WWTR1: variants seen among roughly 807,000 people sequenced by gnomAD.
WWTR1 encodes the protein WW domain-containing transcription regulator protein 1.
WWTR1 carries 13 observed loss-of-function variants against 40.1 expected under a neutral mutation model. That is an observed-to-expected ratio of 0.32 (90% CI 0.21 to 0.52). WWTR1 has a LOEUF of 0.52. WWTR1 is among the 20% of genes least tolerant of loss of function. The pLI is 0.97. For synonymous variants in WWTR1, 230 were observed against 210.1 expected, an observed-to-expected ratio of 1.09 and a Z score of -0.82; for missense variants, 436 against 523.1, an observed-to-expected ratio of 0.83 and a Z score of 1.63.
At chr3:149,570,702 A>G (rs987592586) in intron 3 of WWTR1, among the ~76,000 whole-genome samples, 2 of 152,168 alleles carry the variant, frequency 1.3e-5, no homozygotes, top group Non-Finnish European at 2.9e-5. Context: ...TTCTTTAGAT[A>G]TACTTTACTA....
At chr3:149,533,848 G>A (rs534176108) in intron 4 of WWTR1, among the ~76,000 whole-genome samples, 55 of 152,026 alleles carry the variant, frequency 3.6e-4, no homozygotes, top group South Asian at 1.7e-3. Flanking sequence ...GCACATTGAC[G>A]CAGTTAACAG....
intron 4 of WWTR1, among the ~76,000 whole-genome samples, chr3:149,723,729 A>G (rs1012317085): frequency 2.0e-5 from 3 of 152,200 alleles, no homozygotes; most frequent in African/African-American, 7.2e-5. Flanking sequence ...TTTGCCCTTT[A>G]TATTCCCTGA....
chr3:149,563,552 A>G (rs1737179842), intron 3 of WWTR1, among the ~76,000 whole-genome samples: 1 of 152,208 alleles, frequency 6.6e-6, no homozygotes, highest in African/African-American at 2.4e-5. Context: ...GCGCACTAAC[A>G]CCAAGCACCA....
chr3:149,626,042 A>C (rs572732208), intron 2 of WWTR1, among the ~76,000 whole-genome samples: 3 of 152,310 alleles, frequency 2.0e-5, no homozygotes, highest in South Asian at 4.1e-4. Context: ...AGTGTGCTAC[A>C]ACCACATAGC....
At chr3:149,541,293 G>A (rs1390583451) in intron 4 of WWTR1, among the ~76,000 whole-genome samples, 1 of 152,214 alleles carries the variant, frequency 6.6e-6, no homozygotes, top group Non-Finnish European at 1.5e-5. Flanking sequence ...CTGAAACAGG[G>A]AGAGCACTGT....
At chr3:149,709,095 C>A (rs1221447914) in intron 5 of WWTR1, among the ~76,000 whole-genome samples, 3 of 152,174 alleles carry the variant, frequency 2.0e-5, no homozygotes, top group Non-Finnish European at 4.4e-5. Flanking sequence ...CCCACCCCAG[C>A]CTCCTGAGTA....
chr3:149,622,494 G>GAA (rs1560089693), intron 2 of WWTR1, among the ~76,000 whole-genome samples: 5 of 44,830 alleles, frequency 1.1e-4, no homozygotes, highest in African/African-American at 3.5e-4. Context: ...AGGAAGGAAG[G>GAA]AAGGAAGGAA....
At chr3:149,568,203 T>C (rs1737425060) in intron 3 of WWTR1, among the ~76,000 whole-genome samples, 1 of 152,050 alleles carries the variant, frequency 6.6e-6, no homozygotes, top group South Asian at 2.1e-4. Flanking sequence ...CTGGCCAACA[T>C]GGTGAAACCC....
intron 3 of WWTR1, among the ~76,000 whole-genome samples, chr3:149,567,032 G>T (rs1382230698): frequency 6.6e-6 from 1 of 151,916 alleles, no homozygotes; most frequent in African/African-American, 2.4e-5. Context: ...GCTAGGGTTC[G>T]CAGGCTGGTG....
At chr3:149,681,102 A>G (rs1415440548) in intron 1 of WWTR1, among the ~76,000 whole-genome samples, 1 of 152,226 alleles carries the variant, frequency 6.6e-6, no homozygotes, top group African/African-American at 2.4e-5. Flanking sequence ...ATCTAAATAA[A>G]CTGCCATCCA....
intron 2 of WWTR1, among the ~76,000 whole-genome samples, chr3:149,625,257 G>C (rs542486443): frequency 1.3e-5 from 2 of 151,594 alleles, no homozygotes; most frequent in South Asian, 4.2e-4. Context: ...AAGTAGCTGG[G>C]ACTATAGGCG....
intron 5 of WWTR1, among the ~76,000 whole-genome samples, chr3:149,711,161 TAAA>T (rs1237527926): frequency 1.7e-5 from 2 of 114,968 alleles, no homozygotes; most frequent in Non-Finnish European, 3.7e-5. Flanking sequence ...ACACACTTGC[TAAA>T]AAAAAAAAAA....
At chr3:149,713,447 C>T (rs1329129478) in intron 5 of WWTR1, among the ~76,000 whole-genome samples, 1 of 152,060 alleles carries the variant, frequency 6.6e-6, no homozygotes, top group Non-Finnish European at 1.5e-5. Context: ...GTGGCACAAT[C>T]TCAGCTCACT....
At chr3:149,602,553 T>C (rs571444118) in intron 2 of WWTR1, among the ~76,000 whole-genome samples, 1 of 152,328 alleles carries the variant, frequency 6.6e-6, no homozygotes, top group South Asian at 2.1e-4. Flanking sequence ...GAAACTCTAG[T>C]GTTGATCATT....
chr3:149,609,446 A>G (rs1413049962), intron 2 of WWTR1, among the ~76,000 whole-genome samples: 1 of 152,216 alleles, frequency 6.6e-6, no homozygotes, highest in Non-Finnish European at 1.5e-5. Context: ...AGGGAATCTA[A>G]GAATGGTTTT....
intron 2 of WWTR1, among the ~76,000 whole-genome samples, chr3:149,637,580 T>C (rs977363046): frequency 2.0e-5 from 3 of 152,122 alleles, no homozygotes; most frequent in Non-Finnish European, 4.4e-5. Context: ...AGTACCAATA[T>C]GTGCTAGGCA....
intron 1 of WWTR1, among the ~76,000 whole-genome samples, chr3:149,701,085 A>G (rs1715154387): frequency 6.6e-6 from 1 of 152,170 alleles, no homozygotes; most frequent in Non-Finnish European, 1.5e-5. Flanking sequence ...TAAGAGGACT[A>G]ATTTGATGAT....
chr3:149,553,244 T>C (rs1326751739), intron 3 of WWTR1, among the ~76,000 whole-genome samples: 1 of 152,170 alleles, frequency 6.6e-6, no homozygotes, highest in African/African-American at 2.4e-5. Flanking sequence ...GCTGCATGGA[T>C]CACCAATTAC....
At chr3:149,528,825 G>A (rs1267468073) in intron 4 of WWTR1, among the ~76,000 whole-genome samples, 1 of 152,150 alleles carries the variant, frequency 6.6e-6, no homozygotes, top group Non-Finnish European at 1.5e-5. Flanking sequence ...TGACTAAAAT[G>A]CTGAAGGTTG....
Sources: allele counts gnomAD v4.1 joint callset (sites outside exome capture counted in the v4.1 genomes callset), GRCh38; gene constraint gnomAD v4.1.1; transcripts MANE v1.5; gene names NCBI Gene and HGNC (gene_info 2026-07-23, HGNC 2026-07-21).